The following COLEC10 variants were observed in gnomAD, a reference collection of about 807,000 sequenced individuals.
COLEC10 encodes collectin subfamily member 10.
A neutral mutation model predicts 28.4 loss-of-function variants in COLEC10; 22 were observed. That is an observed-to-expected ratio of 0.78 (90% confidence interval 0.55 to 1.11). The LOEUF is 1.11. Among genes scored for constraint, COLEC10 ranks in the 50% least tolerant of loss-of-function variants. The pLI, the probability that COLEC10 is intolerant of heterozygous loss-of-function variation, is 0.00. For synonymous variants in COLEC10, 125 were observed against 116.1 expected, an observed-to-expected ratio of 1.08 and a Z score of -0.49; for missense variants, 361 against 344.1, an observed-to-expected ratio of 1.05 and a Z score of -0.39.
At chr8:119,056,788 G>A (rs1385510) in intron 2 of COLEC10, among the ~76,000 whole-genome samples, 1,785 of 151,526 alleles carry the variant, frequency 0.012, 35 homozygotes, top group African/African-American at 0.039. Flanking sequence ...AAATCTTCAC[G>A]GGCCACGATT....
Position 119,091,195 on chromosome 8 carries a change from C to G in COLEC10, c.267C>G (p.Gly89=). The G allele has an allele frequency of 6.2e-7, 1 of 1,612,246 alleles. No homozygotes were observed. Among genetic ancestry groups the G allele is most frequent in the South Asian group, 1.1e-5 (1 of 90,806 alleles). The change falls in exon 3 of 6, where the codon GGC becomes GGG. Residue 89 remains glycine (G), a synonymous_variant. Transcript: ENST00000332843. ...ATATGGGAGATCAGGGCAATATTGG[C>G]AAGACTGGGCCCATTGGGAAGAAGG... is the stretch of plus-strand genomic sequence containing the variant. ...LGDMGDQGNI[G]KTGPIGKKGD...
intron 1 of COLEC10, among the ~76,000 whole-genome samples, chr8:119,074,457 T>A (rs992949217): frequency 6.6e-6 from 1 of 152,090 alleles, no homozygotes; most frequent in Non-Finnish European, 1.5e-5. Context: ...AAAAATACAA[T>A]GGAGATCATA....
intron 2 of COLEC10, among the ~76,000 whole-genome samples, chr8:119,022,688 G>T (rs1339442582): frequency 1.3e-5 from 2 of 151,940 alleles, no homozygotes; most frequent in East Asian, 3.9e-4. Context: ...TGTTGCAGGA[G>T]CCTCCTAACC....
chr8:118,989,521 AAGAC>A, the COLEC10 span, among the ~76,000 whole-genome samples: 5 of 144,940 alleles, frequency 3.4e-5, no homozygotes, highest in African/African-American at 5.2e-5. Flanking sequence ...ATTTAAAAAA[AAGAC>A]AGACAAAATA....
chr8:119,015,413 G>A lies in COLEC10; in HGVS notation n.235+5860G>A, dbSNP rs192917903. On this transcript the variant is annotated intron_variant and non_coding_transcript_variant, in intron 2 of 6. Transcript: ENST00000521788. ...GCTCTGACAAAACCTCCACAGATTA[G>A]GCTTTGGTTGAATAGTTTCTGCTGA... is the stretch of plus-strand genomic sequence containing the variant. Among the ~76,000 whole-genome samples, 966 of 151,068 alleles carry A rather than the reference G, an allele frequency of 6.4e-3. 8 individuals are homozygous for A. The highest frequency in any genetic ancestry group is 0.014 in the South Asian group (69 of 4,822).
In COLEC10 at chr8:119,105,782, C is replaced by T; in HGVS notation, c.443-18C>T. ...CTTTTTGAGATACGTAATGATACTCCTTTTTCTCTCCCTGCAGTGATAGCA... is the reference window on the plus strand; with the variant it reads ...CTTTTTGAGATACGTAATGATACTCTTTTTTCTCTCCCTGCAGTGATAGCA... On this transcript the variant is annotated intron_variant, in intron 5 of 5. Coordinates refer to ENST00000332843, the MANE Select transcript of COLEC10 (RefSeq NM_006438.5). The T allele has an allele frequency of 6.3e-7, 1 of 1,585,530 alleles. No homozygotes were observed. Among genetic ancestry groups the T allele is most frequent in the East Asian group, 2.3e-5 (1 of 44,168 alleles).
At chr8:119,075,164 A>G (rs1394063989) in intron 1 of COLEC10, among the ~76,000 whole-genome samples, 1 of 152,172 alleles carries the variant, frequency 6.6e-6, no homozygotes, top group African/African-American at 2.4e-5. Flanking sequence ...CATTGATGAT[A>G]TATAGGCCAG....
chr8:119,096,583 T>G (rs948364319), intron 3 of COLEC10, among the ~76,000 whole-genome samples: 1 of 151,970 alleles, frequency 6.6e-6, no homozygotes, highest in Non-Finnish European at 1.5e-5. Context: ...AGAGTGAGAC[T>G]GCATCTCAAA....
At chr8:119,045,322 C>T (rs1814568411) in intron 2 of COLEC10, among the ~76,000 whole-genome samples, 1 of 152,150 alleles carries the variant, frequency 6.6e-6, no homozygotes, top group African/African-American at 2.4e-5. Context: ...AACCAAGACT[C>T]TGCATATAGG....
intron 2 of COLEC10, among the ~76,000 whole-genome samples, chr8:119,049,616 G>C (rs993187172): frequency 4.0e-5 from 6 of 151,700 alleles, no homozygotes; most frequent in Middle Eastern, 3.2e-3. Context: ...AGGTTTCACC[G>C]TGTTAGCCAG....
At chr8:119,087,875 C>G (rs1208054968) in intron 1 of COLEC10, among the ~76,000 whole-genome samples, 4 of 152,124 alleles carry the variant, frequency 2.6e-5, no homozygotes, top group Non-Finnish European at 4.4e-5. Context: ...ACCACATAGT[C>G]TCATTTTTTT....
chr8:119,001,235 GA>G (rs1299042637), intron 1 of COLEC10, among the ~76,000 whole-genome samples: 2 of 152,092 alleles, frequency 1.3e-5, no homozygotes, highest in Non-Finnish European at 2.9e-5. Flanking sequence ...ATTGAAAAGA[GA>G]AAGAAAATAT....
At chr8:119,097,805 G>C (rs1490661509) in intron 3 of COLEC10, among the ~76,000 whole-genome samples, 1 of 152,042 alleles carries the variant, frequency 6.6e-6, no homozygotes, top group Non-Finnish European at 1.5e-5. Context: ...GCTCTGCAGA[G>C]GTAGCAGAAG....
chr8:119,024,579 TACAC>T (rs5894472), intron 2 of COLEC10, among the ~76,000 whole-genome samples: 6,670 of 150,666 alleles, frequency 0.044, 216 homozygotes, highest in East Asian at 0.16. Context: ...TATGCACACA[TACAC>T]ACACACACAC....
At chr8:118,977,256 A>G in the COLEC10 span, among the ~76,000 whole-genome samples, 27 of 145,654 alleles carry the variant, frequency 1.9e-4, 1 homozygote, top group Middle Eastern at 3.5e-3. Context: ...CTGGGTATAT[A>G]CCCAAAGGAC....
intron 1 of COLEC10, among the ~76,000 whole-genome samples, chr8:119,077,243 A>AGTTTT (rs1815257677): frequency 1.1e-5 from 1 of 90,292 alleles, no homozygotes; most frequent in Non-Finnish European, 2.1e-5. Flanking sequence ...GTAGAGAATG[A>AGTTTT]TTTTTTTTTT....
intron 2 of COLEC10, among the ~76,000 whole-genome samples, chr8:119,025,076 T>C (rs1587004426): frequency 6.6e-6 from 1 of 152,174 alleles, no homozygotes; most frequent in East Asian, 1.9e-4. Context: ...CATATTTGTG[T>C]CTACACAGTA....
intron 1 of COLEC10, among the ~76,000 whole-genome samples, chr8:118,996,074 G>A (rs1358460310): frequency 6.6e-6 from 1 of 152,056 alleles, no homozygotes; most frequent in East Asian, 1.9e-4. Context: ...GGCAACCAGT[G>A]TTCTACTCTC....
chr8:119,027,362 C>T (rs890461207), intron 2 of COLEC10, among the ~76,000 whole-genome samples: 2 of 152,122 alleles, frequency 1.3e-5, no homozygotes, highest in East Asian at 3.9e-4. Context: ...TTCATGACCC[C>T]TCTCTAGTCT....
Sources: allele counts gnomAD v4.1 joint callset (sites outside exome capture counted in the v4.1 genomes callset), GRCh38; gene constraint gnomAD v4.1.1; transcripts MANE v1.5; gene names NCBI Gene and HGNC (gene_info 2026-07-23, HGNC 2026-07-21).